The following DCP1A variants were observed in gnomAD, a reference collection of about 807,000 sequenced individuals.
DCP1A encodes the protein decapping mRNA 1A, also known as mRNA-decapping enzyme 1A.
A neutral mutation model predicts 58.0 loss-of-function variants in DCP1A; 20 were observed. The observed-to-expected ratio is 0.34, with a 90% CI of 0.24 to 0.50. The LOEUF (loss-of-function observed/expected upper bound fraction) is 0.50, where lower values mean the gene tolerates loss of function less well. Ranked by LOEUF, DCP1A falls within the 20% of genes least tolerant of loss-of-function variation. The pLI is 0.98. For synonymous variants in DCP1A, 285 were observed against 275.1 expected, an observed-to-expected ratio of 1.04 and a Z score of -0.36; for missense variants, 613 against 712.2, an observed-to-expected ratio of 0.86 and a Z score of 1.59.
At chr3:53,304,038 T>C in intron 6 of DCP1A, 139 bp downstream of exon 6, 2 of 610,094 alleles carry the variant, frequency 3.3e-6, no homozygotes, top group Non-Finnish European at 5.6e-6. Context: ...ACTCGGATCA[T>C]GACCTAGGAG....
At chr3:53,347,061 G>C (rs778533180) in intron 1 of DCP1A, among the ~76,000 whole-genome samples, 41 of 152,036 alleles carry the variant, frequency 2.7e-4, no homozygotes, top group Non-Finnish European at 4.9e-4. Flanking sequence ...TGACCCCACC[G>C]GTCTTATAAC....
chr3:53,345,151 G>A (rs1161202766), intron 1 of DCP1A, among the ~76,000 whole-genome samples: 5 of 152,132 alleles, frequency 3.3e-5, no homozygotes, highest in African/African-American at 1.2e-4. Flanking sequence ...ATAAGCATAT[G>A]CAATATTTAA....
At chr3:53,297,612 C>T (rs1035194606) in intron 6 of DCP1A, among the ~76,000 whole-genome samples, 2 of 151,992 alleles carry the variant, frequency 1.3e-5, no homozygotes, top group African/African-American at 4.8e-5. Context: ...CTGTCTGCCT[C>T]GGCTCCCAAA....
At chr3:53,294,542 C>T (rs1462409188) in intron 6 of DCP1A, among the ~76,000 whole-genome samples, 2 of 152,142 alleles carry the variant, frequency 1.3e-5, no homozygotes, top group African/African-American at 4.8e-5. Context: ...GAACACAAAA[C>T]GGTAATTTCA....
intron 3 of DCP1A, among the ~76,000 whole-genome samples, chr3:53,340,303 AT>A (rs781938179): frequency 4.6e-5 from 7 of 152,232 alleles, no homozygotes; most frequent in Non-Finnish European, 7.3e-5. Context: ...ATTAGTTTAA[AT>A]AAATCCATCT....
At chr3:53,320,043 G>A (rs1553689730) in intron 3 of DCP1A, among the ~76,000 whole-genome samples, 1 of 151,728 alleles carries the variant, frequency 6.6e-6, no homozygotes, top group Admixed American at 6.6e-5. Context: ...CAGGAGAATC[G>A]CTTGGGCCCG....
intron 5 of DCP1A, among the ~76,000 whole-genome samples, chr3:53,307,698 T>C (rs1448461575): frequency 2.0e-5 from 3 of 152,196 alleles, no homozygotes; most frequent in African/African-American, 7.2e-5. Context: ...ACAAACCTGC[T>C]GGAGGGTGAT....
chr3:53,319,769 G>A (rs989666806), intron 3 of DCP1A, among the ~76,000 whole-genome samples: 1 of 152,162 alleles, frequency 6.6e-6, no homozygotes, highest in Admixed American at 6.6e-5. Flanking sequence ...GTACTATCAA[G>A]CTTTTAAGCA....
chr3:53,347,218 G>A (rs1165374789), intron 1 of DCP1A, among the ~76,000 whole-genome samples, 165 bp downstream of exon 1: 1 of 151,970 alleles, frequency 6.6e-6, no homozygotes, highest in Admixed American at 6.6e-5. Flanking sequence ...AATCCCAAGC[G>A]GACCCGACAC....
intron 4 of DCP1A, among the ~76,000 whole-genome samples, chr3:53,317,187 C>A (rs1707838262): frequency 6.6e-6 from 1 of 151,944 alleles, no homozygotes; most frequent in Non-Finnish European, 1.5e-5. Flanking sequence ...TTTTTTGAGA[C>A]AAAGTTTCAC....
chr3:53,306,450 T>C (rs1196201805), intron 5 of DCP1A, among the ~76,000 whole-genome samples: 3 of 152,118 alleles, frequency 2.0e-5, no homozygotes, highest in African/African-American at 7.2e-5. Flanking sequence ...AAGTTGGGGC[T>C]GGAAGCAGTG....
At position 53,344,832 on chromosome 3, in the gene DCP1A, A is replaced by G. The variant is rs182194970; in HGVS notation, c.176+70T>C. The G allele has an allele frequency of 7.5e-5, 88 of 1,176,006 alleles. No homozygotes were observed. In the African/African-American group the frequency reaches 1.2e-3, roughly 16 times the overall value. The allele number at this position is 1,176,006 out of a possible 1,614,324, so 72.8% of individuals were successfully genotyped here. On this transcript the variant is annotated intron_variant, in intron 2 of 9. Transcript: ENST00000610213. ...ACGGTTCCAAAGACAAATGTACAAGAGAATTGAACCGTTTCACATTGTTCA... is the reference window on the plus strand; with the variant it reads ...ACGGTTCCAAAGACAAATGTACAAGGGAATTGAACCGTTTCACATTGTTCA...
At chr3:53,317,197 C>A (rs1456873196) in intron 4 of DCP1A, among the ~76,000 whole-genome samples, 2 of 152,098 alleles carry the variant, frequency 1.3e-5, no homozygotes, top group Non-Finnish European at 2.9e-5. Flanking sequence ...CAAAGTTTCA[C>A]TCTTGTTGCC....
intron 8 of DCP1A, among the ~76,000 whole-genome samples, chr3:53,289,772 G>A (rs1706785619): frequency 6.6e-6 from 1 of 152,066 alleles, no homozygotes; most frequent in Non-Finnish European, 1.5e-5. Flanking sequence ...CATTAAACCA[G>A]TAATAATCAG....
At chr3:53,331,099 C>T (rs1201390265) in intron 3 of DCP1A, among the ~76,000 whole-genome samples, 2 of 152,072 alleles carry the variant, frequency 1.3e-5, no homozygotes, top group Non-Finnish European at 2.9e-5. Context: ...CCTCGTGATC[C>T]GCCTGGCTTG....
chr3:53,299,372 C>T (rs1354327393), intron 6 of DCP1A, among the ~76,000 whole-genome samples: 1 of 152,284 alleles, frequency 6.6e-6, no homozygotes, highest in South Asian at 2.1e-4. Flanking sequence ...TTTTTTAATA[C>T]TTCATGTAGA....
intron 1 of DCP1A, among the ~76,000 whole-genome samples, chr3:53,346,577 T>C (rs1180893839): frequency 1.3e-5 from 2 of 152,202 alleles, no homozygotes; most frequent in East Asian, 3.8e-4. Flanking sequence ...GAAATTATGC[T>C]TTTTAAACAA....
Position 53,290,665 on chromosome 3 carries a change from C to T in DCP1A, c.1449+126G>A, listed in dbSNP as rs782713743. 32 of 767,356 alleles carry T rather than the reference C, an allele frequency of 4.2e-5. No individual in the cohort carries two copies. The Admixed American group carries it at 7.1e-4, about 17-fold the overall frequency. 47.5% of individuals were successfully genotyped at this position (767,356 alleles called of 1,614,324 possible). ...GGCTGGTCCAAAGGGAGTGAATTAT[C>T]TCACCTGACTGTTCACAGCCAGTTA... On this transcript the variant is annotated intron_variant, in intron 8 of 9. Coordinates refer to ENST00000610213, the MANE Select transcript of DCP1A (RefSeq NM_018403.7).
intron 4 of DCP1A, among the ~76,000 whole-genome samples, chr3:53,316,598 T>C (rs1553689270): frequency 0.065 from 629 of 9,676 alleles, 3 homozygotes; most frequent in African/African-American, 0.26. Flanking sequence ...CTTCTTCCCT[T>C]TTTTTTTTTT....
Sources: gnomAD v4.1 joint callset for allele counts (sites outside exome capture counted in the v4.1 genomes callset) on GRCh38, gnomAD v4.1.1 for gene constraint, MANE v1.5 for transcripts, NCBI Gene and HGNC (gene_info 2026-07-23, HGNC 2026-07-21) for gene names.